TENM3: variants seen among roughly 807,000 people sequenced by gnomAD.
The protein encoded by TENM3 is teneurin-3.
Under a neutral mutation model 255.1 loss-of-function variants are expected in TENM3, and 63 were observed. The ratio of observed to expected loss-of-function variants is 0.25; its 90% CI spans 0.20 to 0.30. The LOEUF is 0.30. Ranked by LOEUF, TENM3 falls within the 10% of genes least tolerant of loss-of-function variation. The pLI is 1.00. For synonymous variants in TENM3, 1,306 were observed against 1,322.3 expected (o/e 0.99, Z 0.27); for missense variants, 2,929 against 3,461.1 (o/e 0.85, Z 3.86).
chr4:182,472,727 A>AT (rs11411559), intron 3 of TENM3, among the ~76,000 whole-genome samples: 49,406 of 151,528 alleles, frequency 0.33, 8,092 homozygotes, highest in African/African-American at 0.36. Flanking sequence ...TTATATCACA[A>AT]TTTTTTTTTA....
intron 1 of TENM3, among the ~76,000 whole-genome samples, chr4:182,265,097 T>A (rs752567491): frequency 2.0e-5 from 3 of 152,148 alleles, no homozygotes; most frequent in Non-Finnish European, 2.9e-5. Context: ...GTTTTCCTCA[T>A]GAAATCCCAG....
the TENM3 span, among the ~76,000 whole-genome samples, chr4:181,861,290 G>T: frequency 2.6e-5 from 4 of 152,148 alleles, no homozygotes; most frequent in Non-Finnish European, 1.5e-5. Context: ...AGTCAATTCA[G>T]TCTTTTCCAT....
the TENM3 span, among the ~76,000 whole-genome samples, chr4:181,839,345 G>GTATATATATATA: frequency 1.8e-5 from 1 of 56,668 alleles, no homozygotes; most frequent in African/African-American, 7.0e-5. Flanking sequence ...TGTATTGAGG[G>GTATATATATATA]TATATATATA....
chr4:182,679,079 G>C (rs1050438259), intron 7 of TENM3, among the ~76,000 whole-genome samples: 1 of 152,132 alleles, frequency 6.6e-6, no homozygotes, highest in Non-Finnish European at 1.5e-5. Context: ...GGCTAGGGGA[G>C]GGATAGCATT....
intron 3 of TENM3, among the ~76,000 whole-genome samples, chr4:182,370,971 A>AT (rs924962106): frequency 2.6e-5 from 4 of 151,500 alleles, no homozygotes; most frequent in African/African-American, 7.3e-5. Context: ...GTTTAATTAA[A>AT]TTTTTTTTTC....
At chr4:181,623,756 G>C in the TENM3 span, among the ~76,000 whole-genome samples, 4 of 152,200 alleles carry the variant, frequency 2.6e-5, no homozygotes, top group African/African-American at 9.6e-5. Flanking sequence ...TCAGCAAGAG[G>C]AGTTCATGTA....
At chr4:181,877,551 G>A in the TENM3 span, among the ~76,000 whole-genome samples, 1,085 of 152,090 alleles carry the variant, frequency 7.1e-3, 17 homozygotes, top group African/African-American at 0.022. Flanking sequence ...CCAAAAAATC[G>A]TGACTTAAAC....
intron 1 of TENM3, among the ~76,000 whole-genome samples, chr4:182,221,079 T>C (rs1755828313): frequency 6.6e-6 from 1 of 152,224 alleles, no homozygotes; most frequent in African/African-American, 2.4e-5. Context: ...TGTGCTTAAG[T>C]ACCTTAGCTC....
intron 3 of TENM3, among the ~76,000 whole-genome samples, chr4:182,576,262 A>G (rs891851986): frequency 6.6e-6 from 1 of 152,154 alleles, no homozygotes; most frequent in South Asian, 2.1e-4. Flanking sequence ...AAAACATCTT[A>G]TATGTGGGAT....
At chr4:181,755,689 T>C in the TENM3 span, among the ~76,000 whole-genome samples, 2 of 152,130 alleles carry the variant, frequency 1.3e-5, no homozygotes, top group Admixed American at 6.6e-5. Context: ...CTAAGTGACA[T>C]CAATACATGC....
At chr4:182,613,374 A>AT (rs1249689935) in intron 4 of TENM3, among the ~76,000 whole-genome samples, 3 of 152,256 alleles carry the variant, frequency 2.0e-5, no homozygotes, top group East Asian at 1.9e-4. Flanking sequence ...GGCTAAAAAT[A>AT]TTTTTTTGTA....
At chr4:181,942,346 A>G in the TENM3 span, among the ~76,000 whole-genome samples, 1 of 149,926 alleles carries the variant, frequency 6.7e-6, no homozygotes, top group Admixed American at 6.7e-5. Context: ...CGGTTAAATA[A>G]GATTTGTGCA....
the TENM3 span, among the ~76,000 whole-genome samples, chr4:181,983,184 G>A: frequency 1.3e-5 from 2 of 152,124 alleles, no homozygotes; most frequent in African/African-American, 4.8e-5. Context: ...CCGCTCAAGT[G>A]TCAACAGAAG....
At chr4:181,872,618 G>C in the TENM3 span, among the ~76,000 whole-genome samples, 1 of 152,200 alleles carries the variant, frequency 6.6e-6, no homozygotes, top group Admixed American at 6.5e-5. Flanking sequence ...ATTATCCTTT[G>C]AATGTCTCTA....
chr4:182,378,066 A>G (rs1767299500), intron 3 of TENM3, among the ~76,000 whole-genome samples: 1 of 145,792 alleles, frequency 6.9e-6, no homozygotes, highest in South Asian at 2.3e-4. Context: ...CAAGGACTGC[A>G]GTTTGGAAGT....
chr4:182,517,648 G>T (rs1373324710), intron 3 of TENM3, among the ~76,000 whole-genome samples: 2 of 151,736 alleles, frequency 1.3e-5, no homozygotes, highest in African/African-American at 4.8e-5. Context: ...CTCCCAAAGT[G>T]CTGGGATTAC....
the TENM3 span, among the ~76,000 whole-genome samples, chr4:181,587,750 C>T: frequency 6.6e-6 from 1 of 152,224 alleles, no homozygotes; most frequent in Non-Finnish European, 1.5e-5. Context: ...GTTTCAATTA[C>T]ATCAGTAACT....
Position 182,793,182 on chromosome 4 carries a change from G to C in TENM3, c.6510G>C (p.Leu2170=), listed in dbSNP as rs892491327. The C allele has an allele frequency of 1.9e-5, 31 of 1,613,890 alleles. No individual in the cohort carries two copies. In the African/African-American group the frequency reaches 2.4e-4, roughly 13 times the overall value. ...TGAACCCAAGTAACAGTGCGCGTCT[G>C]ACACCCCTTCGCTATGACCTGCGAG... ...HLLNPSNSAR[L]TPLRYDLRDR... The change falls in exon 26 of 28, where the codon CTG becomes CTC. Residue 2170 remains leucine (L), a synonymous_variant. Transcript: ENST00000511685. This position sits in a 1 kb window ranked among gnomAD's most constrained non-coding sequence, Gnocchi z 5.7.
intron 13 of TENM3, among the ~76,000 whole-genome samples, chr4:182,726,092 C>G (rs1293954999): frequency 1.3e-5 from 2 of 152,078 alleles, no homozygotes; most frequent in Non-Finnish European, 2.9e-5. Flanking sequence ...ATCAGAAATC[C>G]TGACCCACAC....
Sources: gnomAD v4.1 joint callset for allele counts (sites outside exome capture counted in the v4.1 genomes callset) on GRCh38, gnomAD v4.1.1 for gene constraint, Gnocchi (gnomAD v3.1) non-coding constraint, MANE v1.5 for transcripts, NCBI Gene and HGNC (gene_info 2026-07-23, HGNC 2026-07-21) for gene names.